Variants in PIK3C2G observed in about 807,000 individuals in gnomAD.
PIK3C2G encodes phosphatidylinositol 3-kinase C2 domain-containing subunit gamma.
In PIK3C2G, 168 loss-of-function variants were observed where a neutral mutation model predicts 181.1. That is an observed-to-expected ratio of 0.93 (90% CI 0.82 to 1.05). PIK3C2G has a LOEUF of 1.05. Ranked by LOEUF, PIK3C2G falls within the 50% of genes least tolerant of loss-of-function variation. PIK3C2G has a pLI of 0.00. For missense variants in PIK3C2G, 1,869 were observed against 1,732.8 expected (o/e 1.08, Z -1.40); for synonymous variants, 573 against 592.2 (o/e 0.97, Z 0.47).
intron 5 of PIK3C2G, among the ~76,000 whole-genome samples, chr12:18,303,299 CTCTTTCCTT>C (rs1159618103): frequency 6.9e-6 from 1 of 144,618 alleles, no homozygotes; most frequent in East Asian, 2.0e-4. Context: ...TTCTTTCTTT[CTCTTTCCTT>C]TCTTTCCTTT....
At chr12:18,596,047 G>C (rs1055102009) in intron 30 of PIK3C2G, among the ~76,000 whole-genome samples, 4 of 152,076 alleles carry the variant, frequency 2.6e-5, no homozygotes, top group African/African-American at 9.7e-5. Flanking sequence ...GTCATGCACA[G>C]TGTCTGGCCT....
intron 5 of PIK3C2G, among the ~76,000 whole-genome samples, chr12:18,294,578 T>C (rs1208831157): frequency 6.6e-6 from 1 of 151,966 alleles, no homozygotes; most frequent in East Asian, 1.9e-4. Flanking sequence ...GAAAAGCCTG[T>C]CCTCAGTATA....
At chr12:18,436,727 T>TA (rs148822332) in intron 18 of PIK3C2G, among the ~76,000 whole-genome samples, 1 of 151,964 alleles carries the variant, frequency 6.6e-6, no homozygotes, top group Non-Finnish European at 1.5e-5. Flanking sequence ...TTTTCTCTTT[T>TA]AAAAAAATGG....
rs965541481 is a variant in PIK3C2G, at chr12:18,248,387, A to C, written c.-79+305A>C. ...GGAGATCGAGACCATCCTAGCTAAC[A>C]CGGTGAAACCCCGTCTCTACTAAAA... On this transcript the variant is annotated intron_variant, in intron 1 of 11. Transcript: ENST00000535651. Among the ~76,000 whole-genome samples, 4 of 152,092 alleles carry C rather than the reference A, an allele frequency of 2.6e-5. No homozygotes were observed. The East Asian group carries it at 5.8e-4, about 22-fold the overall frequency.
the PIK3C2G span, among the ~76,000 whole-genome samples, chr12:18,711,401 G>T: frequency 9.5e-6 from 1 of 105,182 alleles, no homozygotes. Context: ...GGGGGAGGGG[G>T]GAGGGATAGC....
At chr12:18,688,441 A>G in the PIK3C2G span, among the ~76,000 whole-genome samples, 1 of 152,036 alleles carries the variant, frequency 6.6e-6, no homozygotes, top group African/African-American at 2.4e-5. Context: ...TGAAATCCAC[A>G]ATGTCCACAA....
At chr12:18,388,122 T>C (rs1246478127) in intron 14 of PIK3C2G, among the ~76,000 whole-genome samples, 1 of 152,212 alleles carries the variant, frequency 6.6e-6, no homozygotes, top group Non-Finnish European at 1.5e-5. Context: ...AGATCCTTTT[T>C]TTTTTCTCAC....
At chr12:18,431,909 A>T (rs1172043991) in intron 18 of PIK3C2G, among the ~76,000 whole-genome samples, 2 of 152,184 alleles carry the variant, frequency 1.3e-5, no homozygotes, top group South Asian at 4.1e-4. Flanking sequence ...ACTTGCTTAA[A>T]CCAAAAGCAA....
the PIK3C2G span, among the ~76,000 whole-genome samples, chr12:18,709,531 CT>C: frequency 4.7e-5 from 7 of 150,476 alleles, no homozygotes; most frequent in Admixed American, 3.3e-4. Flanking sequence ...AATTTTAGGA[CT>C]TTTTTTTTAT....
the PIK3C2G span, among the ~76,000 whole-genome samples, chr12:18,717,276 T>C: frequency 6.6e-6 from 1 of 152,176 alleles, no homozygotes; most frequent in Non-Finnish European, 1.5e-5. Flanking sequence ...GAAATTCCTA[T>C]AATGAAATTA....
intron 11 of PIK3C2G, among the ~76,000 whole-genome samples, chr12:18,352,446 G>C (rs969096840): frequency 2.6e-5 from 4 of 152,190 alleles, no homozygotes; most frequent in Admixed American, 6.5e-5. Flanking sequence ...GCAGGGGCCA[G>C]GACAAGTGCT....
intron 8 of PIK3C2G, among the ~76,000 whole-genome samples, chr12:18,334,112 T>G (rs1938266482): frequency 6.6e-6 from 1 of 152,146 alleles, no homozygotes; most frequent in African/African-American, 2.4e-5. Context: ...AACATCATAG[T>G]GCTGTTTTCA....
the PIK3C2G span, among the ~76,000 whole-genome samples, chr12:18,672,645 T>G: frequency 6.6e-6 from 1 of 152,126 alleles, no homozygotes; most frequent in African/African-American, 2.4e-5. Flanking sequence ...TGACACTGAG[T>G]TTCTTATTGA....
chr12:18,723,355 G>A, the PIK3C2G span: 2 of 1,612,520 alleles, frequency 1.2e-6, no homozygotes, highest in African/African-American at 1.3e-5. Context: ...AAAAGCAATA[G>A]CTTTACTCAT....
chr12:18,467,905 T>C (rs1592335020), intron 18 of PIK3C2G, among the ~76,000 whole-genome samples: 1 of 152,082 alleles, frequency 6.6e-6, no homozygotes, highest in African/African-American at 2.4e-5. Context: ...AGGCTCATGA[T>C]ACCATTATTA....
chr12:18,353,694 T>C (rs2137721836), intron 11 of PIK3C2G, among the ~76,000 whole-genome samples: 1 of 152,292 alleles, frequency 6.6e-6, no homozygotes, highest in Non-Finnish European at 1.5e-5. Flanking sequence ...AGGGCCTGTT[T>C]CTGCAGCTTC....
Position 18,341,485 on chromosome 12 carries a change from A to G in PIK3C2G, c.1396-1842A>G, listed in dbSNP as rs1049917295. 6.0e-5 allele frequency among the ~76,000 whole-genome samples: 9 copies of G among 150,752 alleles called. No homozygotes were observed. In the East Asian group the frequency reaches 1.7e-3, roughly 29 times the overall value. Reference sequence around the variant, plus strand: ...TTTCATGCATAGAAATTAAAAAAGGAGTTGAAAATAAGGAGTTTATTTAAT... The same window carrying G: ...TTTCATGCATAGAAATTAAAAAAGGGGTTGAAAATAAGGAGTTTATTTAAT... On this transcript the variant is annotated intron_variant, in intron 9 of 32. Coordinates refer to ENST00000538779, the MANE Select transcript of PIK3C2G (RefSeq NM_001288772.2).
intron 1 of PIK3C2G, among the ~76,000 whole-genome samples, chr12:18,264,877 A>G (rs956023355): frequency 6.6e-6 from 1 of 151,800 alleles, no homozygotes; most frequent in Admixed American, 6.6e-5. Flanking sequence ...CAGCATCACC[A>G]CTCTTTTCTC....
At chr12:18,565,854 T>C (rs922800139) in intron 28 of PIK3C2G, among the ~76,000 whole-genome samples, 2 of 152,158 alleles carry the variant, frequency 1.3e-5, no homozygotes, top group African/African-American at 4.8e-5. Flanking sequence ...TGTGAATTAA[T>C]ACTTAAAACC....
Sources: allele counts gnomAD v4.1 joint callset (sites outside exome capture counted in the v4.1 genomes callset), GRCh38; gene constraint gnomAD v4.1.1; transcripts MANE v1.5; gene names NCBI Gene and HGNC (gene_info 2026-07-23, HGNC 2026-07-21).